The following IMMP2L variants were observed in gnomAD, a reference collection of about 807,000 sequenced individuals.
The protein encoded by IMMP2L is inner mitochondrial membrane peptidase subunit 2.
Under a neutral mutation model 19.3 loss-of-function variants are expected in IMMP2L, and 18 were observed. The observed-to-expected ratio is 0.93, with a 90% confidence interval of 0.64 to 1.38. The LOEUF (loss-of-function observed/expected upper bound fraction) is 1.38, where lower values mean the gene tolerates loss of function less well. IMMP2L is among the 40% of genes most tolerant of loss of function. The pLI is 0.00. For synonymous variants in IMMP2L, 76 were observed against 73.0 expected (o/e 1.04, Z -0.21); for missense variants, 233 against 218.2 (o/e 1.07, Z -0.43).
intron 3 of IMMP2L, among the ~76,000 whole-genome samples, chr7:111,290,476 GTTTAT>G (rs1234496888): frequency 1.3e-5 from 2 of 151,382 alleles, no homozygotes; most frequent in African/African-American, 2.4e-5. Context: ...TATAATCTGT[GTTTAT>G]TTAAGCATGA....
At chr7:110,941,693 T>G (rs1816741368) in intron 4 of IMMP2L, among the ~76,000 whole-genome samples, 1 of 152,148 alleles carries the variant, frequency 6.6e-6, no homozygotes, top group Non-Finnish European at 1.5e-5. Context: ...CTTTTCAAGT[T>G]TTTCCTGTAT....
At chr7:110,761,847 T>A (rs1798368036) in intron 5 of IMMP2L, among the ~76,000 whole-genome samples, 1 of 152,184 alleles carries the variant, frequency 6.6e-6, no homozygotes. Context: ...TTCTCTAACT[T>A]CTGACCTCTA....
chr7:111,357,797 A>T (rs1329559504), intron 3 of IMMP2L, among the ~76,000 whole-genome samples: 1 of 152,042 alleles, frequency 6.6e-6, no homozygotes, highest in Non-Finnish European at 1.5e-5. Flanking sequence ...TTATATATAT[A>T]TATACTTATC....
At chr7:111,229,005 G>T (rs1813420063) in intron 3 of IMMP2L, among the ~76,000 whole-genome samples, 1 of 134,588 alleles carries the variant, frequency 7.4e-6, no homozygotes, top group Admixed American at 7.5e-5. Context: ...GTGTGTGTGT[G>T]TATCAGCCCG....
intron 3 of IMMP2L, among the ~76,000 whole-genome samples, chr7:111,254,588 T>C (rs1275573890): frequency 1.3e-5 from 2 of 152,118 alleles, no homozygotes; most frequent in Non-Finnish European, 2.9e-5. Flanking sequence ...ATGAACCCAA[T>C]GTATTAACAT....
chr7:110,892,016 G>T (rs1810851158), intron 4 of IMMP2L, among the ~76,000 whole-genome samples: 1 of 152,144 alleles, frequency 6.6e-6, no homozygotes, highest in African/African-American at 2.4e-5. Context: ...CTCAGAAATT[G>T]ATATCCCAAA....
intron 3 of IMMP2L, among the ~76,000 whole-genome samples, chr7:111,447,502 A>C (rs1179685213): frequency 2.0e-5 from 3 of 146,882 alleles, no homozygotes; most frequent in East Asian, 2.0e-4. Flanking sequence ...CAGACAAGCA[A>C]ATGCTGAGAG....
intron 3 of IMMP2L, among the ~76,000 whole-genome samples, chr7:111,454,266 G>T (rs978909649): frequency 9.2e-5 from 14 of 152,056 alleles, no homozygotes; most frequent in African/African-American, 3.4e-4. Flanking sequence ...AGAATAGCTG[G>T]GACCACAGGT....
At chr7:111,502,005 C>A (rs1339916479) in intron 2 of IMMP2L, among the ~76,000 whole-genome samples, 1 of 152,014 alleles carries the variant, frequency 6.6e-6, no homozygotes, top group Non-Finnish European at 1.5e-5. Context: ...GCTAAATGCT[C>A]CAATTAAAAG....
At chr7:111,028,823 T>A (rs996329741) in intron 3 of IMMP2L, among the ~76,000 whole-genome samples, 2 of 152,142 alleles carry the variant, frequency 1.3e-5, no homozygotes, top group African/African-American at 4.8e-5. Flanking sequence ...TACATCTGCA[T>A]ATAAAATGAT....
In IMMP2L at chr7:110,686,901, TTCAA is replaced by T. The variant is rs572256660; in HGVS notation, c.409-23184_409-23181del. Among the ~76,000 whole-genome samples the T allele has an allele frequency of 3.0e-4, 46 of 152,202 alleles. 1 individual carries two copies. In the East Asian group the frequency reaches 8.1e-3, roughly 27 times the overall value. On this transcript the variant is annotated intron_variant, in intron 5 of 5. Coordinates refer to ENST00000405709, the MANE Select transcript of IMMP2L (RefSeq NM_032549.4). ...CAGATCATTCCCACGATTAACACAC[TTCAA>T]TCATTCTTCACTTTCTACTAATATA...
At position 111,251,460 on chromosome 7, in the gene IMMP2L, C is replaced by CCATG. The variant is rs111655759; in HGVS notation, c.239+235774_239+235777dup. On this transcript the variant is annotated intron_variant, in intron 3 of 5. Transcript: ENST00000405709. The stretch of plus-strand genomic sequence containing the variant: ...ATAAAGATACTTGCGCACATATGTT[C>CCATG]CATGCAGCACTATTCACAACAGCAA... 3.6e-3 allele frequency among the ~76,000 whole-genome samples: 544 copies of CCATG among 152,250 alleles called. 4 individuals carry two copies. The highest frequency in any genetic ancestry group is 0.012 in the African/African-American group (516 of 41,540).
intron 3 of IMMP2L, among the ~76,000 whole-genome samples, chr7:111,026,153 G>C (rs1826791824): frequency 6.6e-6 from 1 of 152,102 alleles, no homozygotes; most frequent in African/African-American, 2.4e-5. Flanking sequence ...GTCTATAACA[G>C]TCACAACCAT....
At chr7:111,269,470 G>T (rs1584374126) in intron 3 of IMMP2L, among the ~76,000 whole-genome samples, 1 of 152,042 alleles carries the variant, frequency 6.6e-6, no homozygotes, top group African/African-American at 2.4e-5. Context: ...ATATGTGTTT[G>T]CTATATACTA....
At chr7:111,169,720 T>C (rs1425448098) in intron 3 of IMMP2L, among the ~76,000 whole-genome samples, 1 of 151,922 alleles carries the variant, frequency 6.6e-6, no homozygotes, top group Non-Finnish European at 1.5e-5. Flanking sequence ...CATTTGGTCA[T>C]CTGCAAAGAC....
At chr7:110,761,107 GC>G (rs1798324793) in intron 5 of IMMP2L, among the ~76,000 whole-genome samples, 2 of 152,220 alleles carry the variant, frequency 1.3e-5, no homozygotes, top group African/African-American at 4.8e-5. Context: ...CCACCTTTCA[GC>G]CAGTCAAACT....
chr7:110,817,861 GAATGGATTTCCTATTTAATA>G (rs1429715972), intron 5 of IMMP2L, among the ~76,000 whole-genome samples: 9 of 152,110 alleles, frequency 5.9e-5, no homozygotes, highest in South Asian at 2.1e-4. Flanking sequence ...AAGCAATGGG[GAATGGATTTCCTATTTAATA>G]AATGGTGCTG....
intron 5 of IMMP2L, among the ~76,000 whole-genome samples, chr7:110,722,590 T>C (rs949084480): frequency 2.6e-5 from 4 of 152,162 alleles, no homozygotes; most frequent in African/African-American, 9.6e-5. Context: ...TCCAATGTAT[T>C]TCCTTTTTAG....
chr7:111,182,952 C>T (rs1398927189), intron 3 of IMMP2L, among the ~76,000 whole-genome samples: 1 of 151,992 alleles, frequency 6.6e-6, no homozygotes, highest in Non-Finnish European at 1.5e-5. Flanking sequence ...CATAGACTGG[C>T]AGTTTTCTCT....
Sources: allele counts gnomAD v4.1 joint callset (sites outside exome capture counted in the v4.1 genomes callset), GRCh38; gene constraint gnomAD v4.1.1; transcripts MANE v1.5; gene names NCBI Gene and HGNC (gene_info 2026-07-23, HGNC 2026-07-21).